TDRKH: variants seen among roughly 807,000 people sequenced by gnomAD.
TDRKH encodes tudor and KH domain-containing protein.
A neutral mutation model predicts 61.3 loss-of-function variants in TDRKH; 28 were observed. That is an observed-to-expected ratio of 0.46 (90% CI 0.34 to 0.63). The LOEUF (loss-of-function observed/expected upper bound fraction) is 0.63, where lower values mean the gene tolerates loss of function less well. Ranked by LOEUF, TDRKH falls within the 20% of genes least tolerant of loss-of-function variation. TDRKH has a pLI of 0.01. For missense variants in TDRKH, 540 were observed against 683.4 expected (o/e 0.79, Z 2.34); for synonymous variants, 219 against 244.4 (o/e 0.90, Z 0.97).
At chr1:151,768,002 C>T, downstream of TDRKH, 3 of 1,600,774 alleles carry the variant, frequency 1.9e-6, no homozygotes, top group Non-Finnish European at 2.6e-6. Context: ...GGACACACCC[C>T]CATCTGCCTG....
downstream of TDRKH, chr1:151,770,503 C>T: frequency 4.4e-6 from 2 of 455,224 alleles, no homozygotes; most frequent in Non-Finnish European, 7.8e-6. Flanking sequence ...TGAAATTACA[C>T]AGAATCCATT....
chr1:151,774,811 G>T lies in TDRKH; in HGVS notation c.1537-5C>A. On this transcript the variant is annotated splice_polypyrimidine_tract_variant and splice_region_variant and intron_variant, in intron 11 of 12. Transcript: ENST00000368824. ...AGAGGCATCTGTTTCTGTGGCCTGAGTGGATGAAAACAGGAAAAAAGGAGG... is the reference window on the plus strand; with the variant it reads ...AGAGGCATCTGTTTCTGTGGCCTGATTGGATGAAAACAGGAAAAAAGGAGG... The T allele has an allele frequency of 6.2e-7, 1 of 1,614,044 alleles. No individual in the cohort carries two copies. Among genetic ancestry groups the T allele is most frequent in the Non-Finnish European group, 8.5e-7 (1 of 1,179,936 alleles).
At chr1:151,784,853 AAT>A (rs1291507634) in intron 1 of TDRKH, among the ~76,000 whole-genome samples, 1 of 151,988 alleles carries the variant, frequency 6.6e-6, no homozygotes, top group Non-Finnish European at 1.5e-5. Flanking sequence ...TTTGATGTCT[AAT>A]AGACATCTCA....
chr1:151,783,019 A>G lies in TDRKH; in HGVS notation c.4T>C (p.Ser2Pro), dbSNP rs774053514. The G allele has an allele frequency of 1.9e-6, 3 of 1,612,888 alleles. No homozygotes were observed. Among genetic ancestry groups the G allele is most frequent in the South Asian group, 2.2e-5 (2 of 90,832 alleles). The change falls in exon 2 of 13, where the codon TCT (serine) becomes CCT (proline). Residue 2 changes from serine (S) to proline (P), a missense_variant. By Grantham distance (74) the Ser-to-Pro change is moderately conservative. Transcript: ENST00000368824. M[S>P]TERTSWTSLS... ...CTTGTCCAAGAAGTCCGTTCAGTAG[A>G]CATTTTCTGCTGTACTCTTTGACTT...
intron 11 of TDRKH, 104 bp from the exon 12 acceptor site, chr1:151,774,910 T>G: frequency 7.0e-7 from 1 of 1,436,840 alleles, no homozygotes; most frequent in South Asian, 1.2e-5. Context: ...GCAGTTGCAT[T>G]TGGCTACCAA....
At chr1:151,771,674 C>T (rs550425490), downstream of TDRKH, 11 of 372,012 alleles carry the variant, frequency 3.0e-5, no homozygotes, top group East Asian at 1.2e-4. Flanking sequence ...GGGATCTCAA[C>T]GGACAGAATA....
intron 2 of TDRKH, chr1:151,782,064 T>C (rs1439594005): frequency 2.3e-6 from 1 of 437,092 alleles, no homozygotes; most frequent in African/African-American, 2.1e-5. Context: ...GTATAGAAAT[T>C]AAAAAAGAAC....
At chr1:151,781,813 G>A (rs1649847162) in intron 2 of TDRKH, 2 of 518,234 alleles carry the variant, frequency 3.9e-6, no homozygotes, top group Non-Finnish European at 7.0e-6. Flanking sequence ...TGCTAAAATG[G>A]GAAAAGCAGA....
At position 151,782,935 on chromosome 1, in the gene TDRKH, C is replaced by A; in HGVS notation, c.88G>T (p.Ala30Ser). Residue 30 changes from alanine (A) to serine (S), a missense_variant, in exon 2 of 13, where the codon GCC (alanine) becomes TCC (serine). By Grantham distance (99) the Ala-to-Ser change is moderately conservative. Around this residue, in one of 3 missense-constraint regions of TDRKH, gnomAD observed 156 missense variants for 218.0 expected, o/e 0.72. Coordinates refer to ENST00000368824, the MANE Select transcript of TDRKH (RefSeq NM_001083965.2). ...CTATACCTGCGGTATAGGATATAGGCAACTGTTGCACTGGCTGGGATCCCA... is the reference window on the plus strand; with the variant it reads ...CTATACCTGCGGTATAGGATATAGGAAACTGTTGCACTGGCTGGGATCCCA... The part of the protein sequence containing the change: ...GLGIPASATV[A>S]YILYRRYRES... 6.2e-7 allele frequency: 1 copy of A among 1,613,416 alleles called. No homozygotes were observed. The highest frequency in any genetic ancestry group is 1.3e-5 in the African/African-American group (1 of 74,944).
chr1:151,780,043 T>G lies in TDRKH; in HGVS notation c.329A>C (p.Lys110Thr). 6.2e-7 allele frequency: 1 copy of G among 1,614,212 alleles called. No homozygotes were observed. Among genetic ancestry groups the G allele is most frequent in the Non-Finnish European group, 8.5e-7 (1 of 1,180,038 alleles). The change falls in exon 4 of 13, where the codon AAG becomes ACG. Residue 110 changes from lysine to threonine, a missense_variant. Coordinates refer to ENST00000368824, the MANE Select transcript of TDRKH (RefSeq NM_001083965.2). ...GATCTGATGGATTGCTGCTTTGGCC[T>G]TGCACACCTGAACAGGAAAACCACT... ...LISGFPVQVCKAKAAIHQILT... is the reference protein window; with the variant it reads ...LISGFPVQVCTAKAAIHQILT...
chr1:151,776,289 A>G (rs1333534180), intron 7 of TDRKH, 21 bp from the exon 8 acceptor site: 1 of 1,610,096 alleles, frequency 6.2e-7, no homozygotes, highest in Admixed American at 1.7e-5. Context: ...GGAGGAGGAG[A>G]AAGGCAGAGA....
At chr1:151,774,993 G>C in intron 11 of TDRKH, 72 bp downstream of exon 11, 1 of 1,491,202 alleles carries the variant, frequency 6.7e-7, no homozygotes, top group South Asian at 1.2e-5. Flanking sequence ...ACAGTATCAG[G>C]ACTAGAAGCC....
intron 1 of TDRKH, among the ~76,000 whole-genome samples, chr1:151,787,869 G>T (rs2101627061): frequency 6.9e-6 from 1 of 144,692 alleles, no homozygotes; most frequent in South Asian, 2.3e-4. Flanking sequence ...CACACCTGTA[G>T]TTCCAGCTAC....
chr1:151,768,173 G>A (rs781042462), downstream of TDRKH: 5 of 1,614,004 alleles, frequency 3.1e-6, no homozygotes, highest in Non-Finnish European at 4.2e-6. Flanking sequence ...GGCCTTCTCT[G>A]TGACCGTCGA....
chr1:151,766,772 G>C (rs572755317), downstream of TDRKH: 214 of 1,569,716 alleles, frequency 1.4e-4, 1 homozygote, highest in South Asian at 1.3e-3. Flanking sequence ...CTTATATCAA[G>C]AGGGGAAAAA....
rs187282035 is a variant in TDRKH at position 151,774,747 on chromosome 1, T to C, written c.1596A>G (p.Gly532=). 14 of 1,614,156 alleles carry C rather than the reference T, an allele frequency of 8.7e-6. No individual in the cohort carries two copies. In the Admixed American group the frequency reaches 2.0e-4, roughly 23 times the overall value. Residue 532 remains glycine, a synonymous_variant, in exon 12 of 13, where the codon GGA becomes GGG. Transcript: ENST00000368824. ...TLLTETKKSS[G]EITHTLSCLS... The stretch of plus-strand genomic sequence containing the variant: ...GGCAGGACAGGGTATGTGTTATCTC[T>C]CCAGAGCTCTTTTTGGTCTCAGTGA...
At chr1:151,782,790 C>T (rs757075122) in intron 2 of TDRKH, 109 bp downstream of exon 2, 149 of 1,408,314 alleles carry the variant, frequency 1.1e-4, no homozygotes, top group Admixed American at 8.0e-4. Context: ...CACAAAAAAC[C>T]CCAAAACAAA....
At chr1:151,782,169 T>C (rs1471308593) in intron 2 of TDRKH, 3 of 359,448 alleles carry the variant, frequency 8.3e-6, no homozygotes, top group South Asian at 4.4e-5. Flanking sequence ...TGTAAGAACA[T>C]AGCAAAGACT....
chr1:151,775,639 T>C, intron 9 of TDRKH, 96 bp from the exon 10 acceptor site: 1 of 1,526,688 alleles, frequency 6.6e-7, no homozygotes. Flanking sequence ...AAGGCACCTG[T>C]GTCTTCTCTG....
Sources: gnomAD v4.1 joint callset for allele counts (sites outside exome capture counted in the v4.1 genomes callset) on GRCh38, gnomAD v4.1.1 for gene constraint, gnomAD v4.1.1 regional missense constraint, MANE v1.5 for transcripts, NCBI Gene and HGNC (gene_info 2026-07-23, HGNC 2026-07-21) for gene names.